The following EFCAB5 variants were observed in gnomAD, a reference collection of about 807,000 sequenced individuals.
EFCAB5 encodes EF-hand calcium-binding domain-containing protein 5.
A neutral mutation model predicts 167.9 loss-of-function variants in EFCAB5; 131 were observed. That is an observed-to-expected ratio of 0.78 (90% CI 0.68 to 0.90). The LOEUF is 0.90. Ranked by LOEUF, EFCAB5 falls within the 40% of genes least tolerant of loss-of-function variation. The probability of loss-of-function intolerance (pLI) is 0.00; values close to 1 mark genes in which losing one functional copy is unlikely to be tolerated. For missense variants in EFCAB5, 1,663 were observed against 1,745.2 expected (o/e 0.95, Z 0.84); for synonymous variants, 574 against 602.8 (o/e 0.95, Z 0.70).
At chr17:30,001,774 T>C (rs958480971) in intron 7 of EFCAB5, among the ~76,000 whole-genome samples, 3 of 152,250 alleles carry the variant, frequency 2.0e-5, no homozygotes, top group East Asian at 1.9e-4. Context: ...TATATTTTTT[T>C]GTGTAATAAT....
At chr17:29,979,005 C>G (rs1054838507) in intron 4 of EFCAB5, among the ~76,000 whole-genome samples, 6 of 152,106 alleles carry the variant, frequency 3.9e-5, no homozygotes, top group African/African-American at 1.4e-4. Flanking sequence ...CTGCCCTGCT[C>G]TTGCTTTTCC....
chr17:29,975,788 G>A (rs1314770531), intron 4 of EFCAB5, among the ~76,000 whole-genome samples: 2 of 152,164 alleles, frequency 1.3e-5, no homozygotes, highest in Non-Finnish European at 2.9e-5. Flanking sequence ...AGTGACACCA[G>A]AATCACCTGG....
At chr17:30,090,246 A>G in intron 19 of EFCAB5, 175 bp from the exon 20 acceptor site, 1 of 828,044 alleles carries the variant, frequency 1.2e-6, no homozygotes, top group Non-Finnish European at 1.8e-6. Flanking sequence ...ATGAGTGAGC[A>G]AACAGACAGC....
chr17:30,044,062 T>C (rs2069849869), intron 8 of EFCAB5, among the ~76,000 whole-genome samples: 1 of 152,116 alleles, frequency 6.6e-6, no homozygotes, highest in Non-Finnish European at 1.5e-5. Flanking sequence ...ATTCGGACCA[T>C]ATAAAGACTC....
At chr17:30,092,591 G>A (rs1315770440) in intron 21 of EFCAB5, among the ~76,000 whole-genome samples, 1 of 152,138 alleles carries the variant, frequency 6.6e-6, no homozygotes, top group East Asian at 1.9e-4. Flanking sequence ...GTTTCACCAT[G>A]TTAGCCAGGC....
Position 29,986,414 on chromosome 17 carries a change from A to G in EFCAB5, c.768-6751A>G, listed in dbSNP as rs553200884. Among the ~76,000 whole-genome samples the G allele has an allele frequency of 1.9e-4, 29 of 152,316 alleles. No individual in the cohort carries two copies. In the East Asian group the frequency reaches 5.4e-3, roughly 28 times the overall value. On this transcript the variant is annotated intron_variant, in intron 4 of 22. Coordinates refer to ENST00000394835, the MANE Select transcript of EFCAB5 (RefSeq NM_198529.4). The stretch of plus-strand genomic sequence containing the variant: ...ACCATTTTGTTTAGACCAGCTGAAC[A>G]TAGTGTGGCCATGGCACGCAGACTG...
At position 29,942,309 on chromosome 17, in the gene EFCAB5, T is replaced by C. The variant is rs750563003; in HGVS notation, c.105+7T>C. 2.5e-6 allele frequency: 4 copies of C among 1,577,030 alleles called. No homozygotes were observed. The highest frequency in any genetic ancestry group is 1.4e-5 in the African/African-American group (1 of 73,894). ...AGTGAAAGAGCTTCATGAGGTAGAG[T>C]TGGCATGAATAAATCAGATATTAAT... is the stretch of plus-strand genomic sequence containing the variant. On this transcript the variant is annotated splice_region_variant and intron_variant, in intron 2 of 22. Coordinates refer to ENST00000394835, the MANE Select transcript of EFCAB5 (RefSeq NM_198529.4).
At chr17:29,935,843 T>C (rs532460429) in intron 1 of EFCAB5, among the ~76,000 whole-genome samples, 1 of 152,268 alleles carries the variant, frequency 6.6e-6, no homozygotes, top group East Asian at 1.9e-4. Context: ...CAGCTGGTGT[T>C]AGTGCCTCTG....
rs767882760 is a variant in EFCAB5 at position 30,090,684 on chromosome 17, A to T, written c.3937+10A>T. ...AAAAAATATATCTTAGGTATCGTTC[A>T]TGTGGCATCAGTCTAAATTCACAGG... On this transcript the variant is annotated intron_variant, in intron 20 of 22. Coordinates refer to ENST00000394835, the MANE Select transcript of EFCAB5 (RefSeq NM_198529.4). 1 of 1,605,118 alleles carries T rather than the reference A, an allele frequency of 6.2e-7. No homozygotes were observed.
At chr17:29,958,194 T>C (rs2091829344) in intron 3 of EFCAB5, among the ~76,000 whole-genome samples, 1 of 152,238 alleles carries the variant, frequency 6.6e-6, no homozygotes, top group African/African-American at 2.4e-5. Flanking sequence ...TATCTTTTTC[T>C]GGAAAATCTT....
At chr17:30,044,615 G>GA (rs1434089221) in intron 8 of EFCAB5, among the ~76,000 whole-genome samples, 6 of 151,762 alleles carry the variant, frequency 4.0e-5, no homozygotes, top group African/African-American at 1.2e-4. Context: ...TAATTAAAAA[G>GA]AAAAAAACAC....
chr17:30,033,082 CT>C (rs555568745), intron 7 of EFCAB5, among the ~76,000 whole-genome samples: 212 of 144,654 alleles, frequency 1.5e-3, no homozygotes, highest in Middle Eastern at 3.5e-3. Context: ...TGAGCTCACA[CT>C]TTTTTTTTTT....
At chr17:30,037,287 A>G (rs1158630044) in intron 8 of EFCAB5, among the ~76,000 whole-genome samples, 2 of 152,180 alleles carry the variant, frequency 1.3e-5, no homozygotes, top group Non-Finnish European at 2.9e-5. Context: ...GTGTGCAGAG[A>G]TGATGACTGT....
intron 4 of EFCAB5, among the ~76,000 whole-genome samples, chr17:29,989,251 G>C (rs561267239): frequency 1.3e-5 from 2 of 152,266 alleles, no homozygotes; most frequent in East Asian, 3.9e-4. Context: ...GTGAGAAATC[G>C]AGTTTTGCAA....
At chr17:30,107,326 T>C (rs995475761) in intron 22 of EFCAB5, among the ~76,000 whole-genome samples, 4 of 152,222 alleles carry the variant, frequency 2.6e-5, no homozygotes, top group African/African-American at 9.6e-5. Flanking sequence ...ATATCCAACC[T>C]TAACACTATA....
intron 17 of EFCAB5, among the ~76,000 whole-genome samples, 176 bp from the exon 18 acceptor site, chr17:30,082,714 TC>T (rs1215468983): frequency 6.6e-6 from 1 of 152,126 alleles, no homozygotes; most frequent in Non-Finnish European, 1.5e-5. Context: ...TTCTTGATGA[TC>T]CTTTTTTTTA....
Position 30,108,104 on chromosome 17 carries a change from T to A in EFCAB5, c.*80T>A. ...TTTTGTTTGTTAACTATAAAATATT[T>A]TCCATTGGAAAGGGGTACCTATAAA... On this transcript the variant is annotated 3_prime_UTR_variant, in exon 23 of 23. Coordinates refer to ENST00000394835, the MANE Select transcript of EFCAB5 (RefSeq NM_198529.4). 1 of 1,467,604 alleles carries A rather than the reference T, an allele frequency of 6.8e-7. No homozygotes were observed. The highest frequency in any genetic ancestry group is 2.5e-5 in the East Asian group (1 of 39,758). The allele number at this position is 1,467,604 out of a possible 1,614,324, so 90.9% of individuals were successfully genotyped here.
At chr17:29,961,829 C>G (rs1445858210) in intron 3 of EFCAB5, among the ~76,000 whole-genome samples, 3 of 152,094 alleles carry the variant, frequency 2.0e-5, no homozygotes, top group Non-Finnish European at 4.4e-5. Context: ...ATCGTTTACT[C>G]TCTTCAGTTT....
chr17:30,082,523 T>C (rs930989117), intron 17 of EFCAB5, among the ~76,000 whole-genome samples: 2 of 151,398 alleles, frequency 1.3e-5, no homozygotes, highest in African/African-American at 4.9e-5. Flanking sequence ...CCTGAGTAGC[T>C]GGGATTACAG....
Sources: gnomAD v4.1 joint callset for allele counts (sites outside exome capture counted in the v4.1 genomes callset) on GRCh38, gnomAD v4.1.1 for gene constraint, MANE v1.5 for transcripts, NCBI Gene and HGNC (gene_info 2026-07-23, HGNC 2026-07-21) for gene names.